Variants in MARK3 observed in about 807,000 individuals in gnomAD.
The protein encoded by MARK3 is microtubule affinity regulating kinase 3.
Under a neutral mutation model 90.1 loss-of-function variants are expected in MARK3, and 46 were observed. The ratio of observed to expected loss-of-function variants is 0.51; its 90% CI spans 0.40 to 0.65. MARK3 has a LOEUF of 0.65. MARK3 is among the 30% of genes least tolerant of loss of function. MARK3 has a pLI of 0.00. For missense variants in MARK3, 818 were observed against 947.2 expected (o/e 0.86, Z 1.79); for synonymous variants, 321 against 332.6 (o/e 0.97, Z 0.38).
rs570858385 is a variant in MARK3, at chr14:103,487,598, T to A, written c.1587-4179T>A. On this transcript the variant is annotated intron_variant, in intron 14 of 17. Coordinates refer to ENST00000429436, the MANE Select transcript of MARK3 (RefSeq NM_001128918.3). ...GAAAGGGTCAAACAACTCCTGCATCTTCTTCCCCTGCTTTTCTTGGCACAT... is the reference window on the plus strand; with the variant it reads ...GAAAGGGTCAAACAACTCCTGCATCATCTTCCCCTGCTTTTCTTGGCACAT... 1.1e-4 allele frequency among the ~76,000 whole-genome samples: 16 copies of A among 152,226 alleles called. No individual in the cohort carries two copies. In the South Asian group the frequency reaches 2.9e-3, roughly 28 times the overall value.
chr14:103,502,871 A>G lies in MARK3; in HGVS notation c.1917-11A>G, dbSNP rs557344866. The G allele has an allele frequency of 1.9e-5, 31 of 1,600,262 alleles. No individual in the cohort carries two copies. The highest frequency in any genetic ancestry group is 1.7e-4 in the Middle Eastern group (1 of 6,010). On this transcript the variant is annotated splice_polypyrimidine_tract_variant and intron_variant, in intron 17 of 17. Transcript: ENST00000429436. ...TACGATTAAAAATAAACCTGCCTCT[A>G]TGCATTTCAGTCGCAATGTATCTGC...
chr14:103,461,882 C>T (rs149937787), intron 6 of MARK3, among the ~76,000 whole-genome samples: 5 of 151,894 alleles, frequency 3.3e-5, no homozygotes, highest in African/African-American at 7.3e-5. Flanking sequence ...ACTAAAAATA[C>T]GAAATTGGCC....
chr14:103,412,012 C>A, intron 2 of MARK3: 32 of 259,180 alleles, frequency 1.2e-4, no homozygotes, highest in Non-Finnish European at 1.7e-4. Context: ...TTGCCATTTT[C>A]TAAAAACAGA....
chr14:103,419,792 C>G (rs1017745961), intron 2 of MARK3, among the ~76,000 whole-genome samples: 1 of 151,938 alleles, frequency 6.6e-6, no homozygotes, highest in Non-Finnish European at 1.5e-5. Flanking sequence ...AAGTTAAAAC[C>G]CAGAATGATT....
At chr14:103,430,633 C>T (rs1216996932) in intron 3 of MARK3, among the ~76,000 whole-genome samples, 1 of 152,164 alleles carries the variant, frequency 6.6e-6, no homozygotes, top group African/African-American at 2.4e-5. Flanking sequence ...AAAAGGTGGA[C>T]TGGCTCATTC....
chr14:103,413,483 G>A lies in MARK3; in HGVS notation c.243+8216G>A, dbSNP rs1040028347. ...GCTCTGTCGCCCAGGCTGGAGTGCA[G>A]CGCGATCTCGGCTCACTGCAAGCTC... On this transcript the variant is annotated intron_variant, in intron 2 of 17. Transcript: ENST00000429436. Among the ~76,000 whole-genome samples, 4 of 148,278 alleles carry A rather than the reference G, an allele frequency of 2.7e-5. No individual in the cohort carries two copies. In the Admixed American group the frequency reaches 2.7e-4, roughly 10 times the overall value.
At position 103,473,555 on chromosome 14, in the gene MARK3, T is replaced by TATTA. The variant is rs1460654993; in HGVS notation, c.1265-1438_1265-1437insATTA. Among the ~76,000 whole-genome samples, 10 of 152,188 alleles carry TATTA rather than the reference T, an allele frequency of 6.6e-5. No individual in the cohort carries two copies. In the South Asian group the frequency reaches 2.1e-3, roughly 32 times the overall value. ...GAGGCTAATATCACCCTATGCTTGA[T>TATTA]TAAGTTTTTGTTTTATATGTTAAAA... On this transcript the variant is annotated intron_variant, in intron 12 of 17. Transcript: ENST00000429436.
intron 3 of MARK3, among the ~76,000 whole-genome samples, chr14:103,442,953 C>CCT (rs1279721087): frequency 1.4e-5 from 2 of 147,430 alleles, no homozygotes; most frequent in African/African-American, 5.0e-5. Flanking sequence ...CCCCCCCCCT[C>CCT]CCACCGACAA....
intron 16 of MARK3, chr14:103,499,922 C>T: frequency 1.8e-6 from 1 of 548,478 alleles, no homozygotes; most frequent in Non-Finnish European, 3.3e-6. Flanking sequence ...GTGATGTATG[C>T]AGTGTGCAGC....
chr14:103,485,252 C>CTTTT (rs36010258), intron 14 of MARK3, among the ~76,000 whole-genome samples: 18 of 83,572 alleles, frequency 2.2e-4, no homozygotes, highest in South Asian at 1.4e-3. Flanking sequence ...AAAAAGGCTG[C>CTTTT]TTTTTTTTTT....
intron 5 of MARK3, among the ~76,000 whole-genome samples, chr14:103,456,240 T>G (rs1479445692): frequency 6.6e-6 from 1 of 152,148 alleles, no homozygotes; most frequent in Non-Finnish European, 1.5e-5. Flanking sequence ...ATTGTACTGA[T>G]CTCCCTCTTG....
At chr14:103,428,709 AC>A (rs1267156630) in intron 3 of MARK3, among the ~76,000 whole-genome samples, 1 of 152,084 alleles carries the variant, frequency 6.6e-6, no homozygotes, top group Non-Finnish European at 1.5e-5. Context: ...ACGAGGCTGT[AC>A]TTTTTATTGA....
At chr14:103,428,242 A>G (rs1345812262) in intron 2 of MARK3, 145 bp from the exon 3 acceptor site, 7 of 525,116 alleles carry the variant, frequency 1.3e-5, no homozygotes, top group East Asian at 1.1e-4. Context: ...TAAAGTTACA[A>G]TTGCTTATTG....
At chr14:103,444,796 A>G in intron 3 of MARK3, among the ~76,000 whole-genome samples, 1 of 152,180 alleles carries the variant, frequency 6.6e-6, no homozygotes, top group East Asian at 1.9e-4. Context: ...AAGTAGAAAT[A>G]AGGTGAGTTT....
intron 14 of MARK3, chr14:103,490,968 G>T (rs192454621): frequency 2.4e-6 from 3 of 1,275,850 alleles, no homozygotes; most frequent in South Asian, 1.2e-5. Flanking sequence ...AGAAATGTTC[G>T]CTTACGCAGC....
intron 1 of MARK3, among the ~76,000 whole-genome samples, chr14:103,392,096 A>G (rs914772459): frequency 6.6e-6 from 1 of 152,190 alleles, no homozygotes; most frequent in African/African-American, 2.4e-5. Flanking sequence ...TGTACTTATT[A>G]TTAGTTAATG....
At chr14:103,491,032 T>C (rs1566936195) in intron 14 of MARK3, 1 of 1,288,866 alleles carries the variant, frequency 7.8e-7, no homozygotes, top group Non-Finnish European at 1.0e-6. Flanking sequence ...CAGAAGTCGA[T>C]GTCCATGTCA....
At chr14:103,441,056 C>A (rs1354835119) in intron 3 of MARK3, among the ~76,000 whole-genome samples, 1 of 151,058 alleles carries the variant, frequency 6.6e-6, no homozygotes, top group African/African-American at 2.4e-5. Context: ...CTGTGAAGTA[C>A]GTATTCATCT....
At chr14:103,435,883 T>G (rs1181574663) in intron 3 of MARK3, among the ~76,000 whole-genome samples, 3 of 151,672 alleles carry the variant, frequency 2.0e-5, no homozygotes, top group African/African-American at 7.3e-5. Context: ...CACACCCAAC[T>G]AAAGTAACCT....
Sources: gnomAD v4.1 joint callset for allele counts (sites outside exome capture counted in the v4.1 genomes callset) on GRCh38, gnomAD v4.1.1 for gene constraint, MANE v1.5 for transcripts, NCBI Gene and HGNC (gene_info 2026-07-23, HGNC 2026-07-21) for gene names.